Variants in ZSWIM5 observed in about 807,000 individuals in gnomAD.
The protein encoded by ZSWIM5 is zinc finger SWIM domain-containing protein 5.
Under a neutral mutation model 119.6 loss-of-function variants are expected in ZSWIM5, and 55 were observed. The observed-to-expected ratio is 0.46, with a 90% CI of 0.37 to 0.58. The LOEUF (loss-of-function observed/expected upper bound fraction) is 0.58. Among genes scored for constraint, ZSWIM5 ranks in the 20% least tolerant of loss-of-function variants. The pLI, the probability that ZSWIM5 is intolerant of heterozygous loss-of-function variation, is 0.00. For missense variants in ZSWIM5, 1,193 were observed against 1,512.8 expected, an observed-to-expected ratio of 0.79 and a Z score of 3.51; for synonymous variants, 537 against 606.9, an observed-to-expected ratio of 0.88 and a Z score of 1.69.
chr1:45,018,472 C>T lies in ZSWIM5; in HGVS notation c.3540G>A (p.Val1180=). ...TGCTCTCTCAGCCAAAGCGCTCTCGCACCAGCAGCATCAACTTTTTCTTGC... is the reference window on the plus strand; with the variant it reads ...TGCTCTCTCAGCCAAAGCGCTCTCGTACCAGCAGCATCAACTTTTTCTTGC... ...YKGKKKLMLL[V]RERFG is the part of the protein sequence containing the mutation. The change falls in exon 14 of 14, where the codon GTG becomes GTA. Residue 1180 remains valine (V), a synonymous_variant. Coordinates refer to ENST00000359600, the MANE Select transcript of ZSWIM5 (RefSeq NM_020883.2). The surrounding 1 kb of genome is among the most constrained non-coding windows in gnomAD (Gnocchi z 6.7). The T allele has an allele frequency of 6.2e-7, 1 of 1,614,032 alleles. No homozygotes were observed. Among genetic ancestry groups the T allele is most frequent in the South Asian group, 1.1e-5 (1 of 91,066 alleles).
At chr1:45,167,326 G>A (rs1473445959) in intron 1 of ZSWIM5, among the ~76,000 whole-genome samples, 1 of 151,656 alleles carries the variant, frequency 6.6e-6, no homozygotes. Context: ...ACTAATTCAA[G>A]ATGGATTAAA....
chr1:45,161,955 T>A (rs1044563491), intron 1 of ZSWIM5, among the ~76,000 whole-genome samples: 1 of 152,224 alleles, frequency 6.6e-6, no homozygotes, highest in African/African-American at 2.4e-5. Flanking sequence ...CATCTCCCAC[T>A]TCCAGCTCTA....
chr1:45,062,750 TC>T (rs1226511261), intron 2 of ZSWIM5, among the ~76,000 whole-genome samples: 1 of 152,120 alleles, frequency 6.6e-6, no homozygotes, highest in Middle Eastern at 3.2e-3. Flanking sequence ...CAAGAGATCC[TC>T]CCACCTCAGC....
At chr1:45,096,516 C>T (rs1258275931) in intron 1 of ZSWIM5, among the ~76,000 whole-genome samples, 2 of 136,882 alleles carry the variant, frequency 1.5e-5, no homozygotes, top group Non-Finnish European at 1.6e-5. Context: ...CAGGCAGCTG[C>T]TTGCCTTGTG....
At chr1:45,035,568 G>A in intron 10 of ZSWIM5, 120 bp downstream of exon 10, 2 of 1,275,260 alleles carry the variant, frequency 1.6e-6, no homozygotes, top group Non-Finnish European at 2.2e-6. Flanking sequence ...AGGTACACTT[G>A]GTAGCGGGTC....
rs201892354 is a variant in ZSWIM5, at chr1:45,060,181, T to C, written c.1019A>G (p.Gln340Arg). The C allele has an allele frequency of 1.2e-6, 2 of 1,614,186 alleles. No homozygotes were observed. The highest frequency in any genetic ancestry group is 2.2e-5 in the South Asian group (2 of 91,080). The change falls in exon 3 of 14, where the codon CAG becomes CGG. Residue 340 changes from glutamine to arginine, a missense_variant. This residue lies in a region of ZSWIM5 where 961 missense variants were observed against 1,290.0 expected (regional missense o/e 0.74). Transcript: ENST00000359600. ...DENCWHLDEE[Q>R]VKEQVKLFLS... ...AAAAAGCTTCACTTGTTCTTTCACC[T>C]GTTCTTCATCCAAATGCCAACAGTT...
At chr1:45,036,440 C>T (rs375332083) in intron 8 of ZSWIM5, 141 bp from the exon 9 acceptor site, 58 of 1,220,660 alleles carry the variant, frequency 4.8e-5, no homozygotes, top group African/African-American at 1.4e-4. Flanking sequence ...CTGCAGCCTC[C>T]GCCTCCCCGG....
At chr1:45,068,509 T>G (rs1570052747) in intron 2 of ZSWIM5, among the ~76,000 whole-genome samples, 1 of 142,514 alleles carries the variant, frequency 7.0e-6, no homozygotes. Flanking sequence ...AAAAAAAAAA[T>G]TAATGTATTC....
chr1:45,044,814 T>TAC (rs1645043297), intron 5 of ZSWIM5, among the ~76,000 whole-genome samples: 1 of 11,566 alleles, frequency 8.6e-5, no homozygotes, highest in African/African-American at 3.7e-4. Context: ...AATATATATA[T>TAC]ATATATAAAT....
intron 2 of ZSWIM5, among the ~76,000 whole-genome samples, 169 bp from the exon 3 acceptor site, chr1:45,060,416 T>C (rs181687472): frequency 6.6e-6 from 1 of 152,272 alleles, no homozygotes; most frequent in East Asian, 1.9e-4. Context: ...TAAAATTAAT[T>C]TTTCAAAAAG....
At chr1:45,139,042 C>A (rs963534165) in intron 1 of ZSWIM5, among the ~76,000 whole-genome samples, 1 of 151,678 alleles carries the variant, frequency 6.6e-6, no homozygotes, top group Non-Finnish European at 1.5e-5. Context: ...CCACCATGCC[C>A]GGCTAATTTT....
chr1:45,073,162 AATTTT>A (rs1645234316), intron 2 of ZSWIM5, among the ~76,000 whole-genome samples: 1 of 147,846 alleles, frequency 6.8e-6, no homozygotes, highest in Non-Finnish European at 1.5e-5. Flanking sequence ...CTAGGTATTT[AATTTT>A]ATTTGTGGCC....
intron 1 of ZSWIM5, among the ~76,000 whole-genome samples, chr1:45,130,365 AACACACACAC>A (rs3051045): frequency 2.5e-4 from 38 of 149,658 alleles, no homozygotes; most frequent in African/African-American, 6.7e-4. Context: ...GAACACTTAA[AACACACACAC>A]ACACACACAC....
intron 1 of ZSWIM5, among the ~76,000 whole-genome samples, chr1:45,097,777 C>T (rs997694869): frequency 3.9e-5 from 6 of 152,156 alleles, no homozygotes; most frequent in African/African-American, 1.2e-4. Context: ...TCTCAGCTCA[C>T]TGCAACCTCT....
intron 1 of ZSWIM5, among the ~76,000 whole-genome samples, chr1:45,158,203 C>T (rs1034245172): frequency 2.6e-5 from 4 of 152,220 alleles, no homozygotes; most frequent in Admixed American, 6.5e-5. Flanking sequence ...CTTGCTCTGT[C>T]GCCCAGGCTG....
intron 1 of ZSWIM5, among the ~76,000 whole-genome samples, chr1:45,196,809 C>G (rs1299372881): frequency 6.6e-6 from 1 of 152,078 alleles, no homozygotes; most frequent in African/African-American, 2.4e-5. Context: ...GTCATGTAAC[C>G]ACTACAGTCA....
chr1:45,158,251 C>A (rs1252943479), intron 1 of ZSWIM5, among the ~76,000 whole-genome samples: 2 of 152,062 alleles, frequency 1.3e-5, no homozygotes, highest in Admixed American at 1.3e-4. Flanking sequence ...TCACTGCAAC[C>A]TCCACCTCCC....
intron 11 of ZSWIM5, among the ~76,000 whole-genome samples, chr1:45,022,370 T>G (rs1644893241): frequency 6.6e-6 from 1 of 152,052 alleles, no homozygotes; most frequent in Non-Finnish European, 1.5e-5. Context: ...GACCTCATGA[T>G]CCACCCGCCT....
chr1:45,190,191 G>A (rs1646082888), intron 1 of ZSWIM5, among the ~76,000 whole-genome samples: 1 of 152,130 alleles, frequency 6.6e-6, no homozygotes, highest in African/African-American at 2.4e-5. Flanking sequence ...CAGGCATAGT[G>A]GTGCGTGCCT....
Sources: allele counts gnomAD v4.1 joint callset (sites outside exome capture counted in the v4.1 genomes callset), GRCh38; gene constraint gnomAD v4.1.1; regional missense constraint gnomAD v4.1.1; non-coding constraint Gnocchi (gnomAD v3.1); transcripts MANE v1.5; gene names NCBI Gene and HGNC (gene_info 2026-07-23, HGNC 2026-07-21).